Variants in SLC3A1 observed in about 807,000 individuals in gnomAD.
The protein encoded by SLC3A1 is amino acid transporter heavy chain SLC3A1.
Under a neutral mutation model 60.3 loss-of-function variants are expected in SLC3A1, and 78 were observed. The observed-to-expected ratio is 1.29, with a 90% confidence interval of 1.08 to 1.56. The LOEUF (loss-of-function observed/expected upper bound fraction) is 1.56. SLC3A1 is among the 40% of genes most tolerant of loss of function. The probability of loss-of-function intolerance (pLI) is 0.00; values close to 1 mark genes in which losing one functional copy is unlikely to be tolerated. For missense variants in SLC3A1, 1,172 were observed against 858.9 expected (o/e 1.36, Z -4.56); for synonymous variants, 392 against 307.9 (o/e 1.27, Z -2.86).
chr2:44,321,533 CCTAACCGTGAAGTCAG>C (rs1442750561), downstream of SLC3A1: 5 of 1,539,830 alleles, frequency 3.2e-6, no homozygotes, highest in Non-Finnish European at 4.4e-6. Context: ...TCCATCTTTA[CCTAACCGTGAAGTCAG>C]CAATTTATGG....
intron 7 of SLC3A1, among the ~76,000 whole-genome samples, chr2:44,308,758 A>G (rs1343285592): frequency 1.3e-5 from 2 of 151,152 alleles, no homozygotes; most frequent in Non-Finnish European, 2.9e-5. Flanking sequence ...TTTGAGGCAG[A>G]GTCTTGCTCT....
chr2:44,294,693 C>A (rs921205232), intron 4 of SLC3A1, among the ~76,000 whole-genome samples: 3 of 152,052 alleles, frequency 2.0e-5, no homozygotes, highest in Admixed American at 2.0e-4. Context: ...TTCTGAAGTC[C>A]TTGATCTTTC....
chr2:44,315,953 G>C (rs1005934164), intron 9 of SLC3A1, among the ~76,000 whole-genome samples: 1 of 152,124 alleles, frequency 6.6e-6, no homozygotes, highest in Non-Finnish European at 1.5e-5. Flanking sequence ...TCTCAGAAAG[G>C]AGAGCTTTTA....
intron 8 of SLC3A1, 78 bp downstream of exon 8, chr2:44,312,831 AACTT>A (rs1484583935): frequency 2.5e-6 from 3 of 1,187,612 alleles, no homozygotes; most frequent in Non-Finnish European, 2.5e-6. Flanking sequence ...CAAATCAGAG[AACTT>A]ACTATCTCTC....
rs11290172 is a variant in SLC3A1, at chr2:44,306,550, C to CTT, written c.1332+2233_1332+2234dup. Reference sequence around the variant, plus strand: ...GAGATATAATTCACATACCATAAAACTTTTTTTTTTTTTTTTTTTTTTGAG... The same window carrying CTT: ...GAGATATAATTCACATACCATAAAACTTTTTTTTTTTTTTTTTTTTTTTTGAG... On this transcript the variant is annotated intron_variant, in intron 7 of 9. Coordinates refer to ENST00000260649, the MANE Select transcript of SLC3A1 (RefSeq NM_000341.4). Among the ~76,000 whole-genome samples, 437 of 101,062 alleles carry CTT rather than the reference C, an allele frequency of 4.3e-3. 4 individuals carry two copies. Among genetic ancestry groups the CTT allele is most frequent in the East Asian group, 0.011 (37 of 3,474 alleles). 66.3% of individuals were successfully genotyped at this position (101,062 alleles called of 152,430 possible).
At position 44,275,589 on chromosome 2, in the gene SLC3A1, C is replaced by T; in HGVS notation, c.54C>T (p.Cys18=). ...RDSIEMSMKG[C]QTNNGFVHNE... The stretch of plus-strand genomic sequence containing the variant: ...CCATCGAGATGAGTATGAAGGGATG[C>T]CAGACAAACAACGGGTTTGTCCATA... The change falls in exon 1 of 10, where the codon TGC becomes TGT. Residue 18 remains cysteine, a synonymous_variant. Coordinates refer to ENST00000260649, the MANE Select transcript of SLC3A1 (RefSeq NM_000341.4). 6.2e-7 allele frequency: 1 copy of T among 1,614,040 alleles called. No homozygotes were observed. Among genetic ancestry groups the T allele is most frequent in the Non-Finnish European group, 8.5e-7 (1 of 1,179,950 alleles).
chr2:44,279,027 C>T (rs1427258325), intron 1 of SLC3A1, among the ~76,000 whole-genome samples: 3 of 150,018 alleles, frequency 2.0e-5, no homozygotes, highest in Admixed American at 6.7e-5. Flanking sequence ...GAGATGGAGT[C>T]TCACTCTGTC....
chr2:44,286,116 G>T lies in SLC3A1; in HGVS notation c.850G>T (p.Asp284Tyr). 2 of 1,614,018 alleles carry T rather than the reference G, an allele frequency of 1.2e-6. No individual in the cohort carries two copies. The highest frequency in any genetic ancestry group is 4.5e-5 in the East Asian group (2 of 44,856). ...TCATCAGTTTATGAAAGAGCAACCT[G>T]ATTTAAATTTCCGCAATCCTGATGT... ...YFHQFMKEQP[D>Y]LNFRNPDVQE... The change falls in exon 4 of 10, where the codon GAT (aspartate) becomes TAT (tyrosine). Residue 284 changes from aspartate (D) to tyrosine (Y), a missense_variant. Coordinates refer to ENST00000260649, the MANE Select transcript of SLC3A1 (RefSeq NM_000341.4).
At chr2:44,316,084 C>T (rs1401200323) in intron 9 of SLC3A1, among the ~76,000 whole-genome samples, 1 of 152,152 alleles carries the variant, frequency 6.6e-6, no homozygotes. Context: ...AGACCCACAT[C>T]CAACTTGGCT....
At chr2:44,309,038 G>A (rs1169641428) in intron 7 of SLC3A1, among the ~76,000 whole-genome samples, 1 of 151,970 alleles carries the variant, frequency 6.6e-6, no homozygotes, top group Non-Finnish European at 1.5e-5. Flanking sequence ...GGCCTTCTGA[G>A]GAATTTTTTG....
At chr2:44,318,265 A>AT (rs1415618663) in intron 9 of SLC3A1, 6 of 296,044 alleles carry the variant, frequency 2.0e-5, no homozygotes, top group South Asian at 5.1e-5. Context: ...TAATTTCTGT[A>AT]TTTTTTAGTA....
At chr2:44,300,873 C>G (rs934184355) in intron 5 of SLC3A1, 130 bp from the exon 6 acceptor site, 5 of 1,015,850 alleles carry the variant, frequency 4.9e-6, no homozygotes, top group Non-Finnish European at 6.2e-6. Context: ...TCTCCATCCA[C>G]AAAACCATGT....
chr2:44,321,945 C>A (rs759820302), downstream of SLC3A1: 2 of 1,567,622 alleles, frequency 1.3e-6, no homozygotes, highest in Admixed American at 1.8e-5. Context: ...TGTATGGGAT[C>A]TTCTTTGGAA....
intron 4 of SLC3A1, among the ~76,000 whole-genome samples, chr2:44,292,751 G>GT (rs1354088665): frequency 6.6e-6 from 1 of 152,014 alleles, no homozygotes; most frequent in African/African-American, 2.4e-5. Context: ...GAGTTGTCCA[G>GT]TATCACTGGG....
intron 6 of SLC3A1, chr2:44,303,831 T>C (rs1672081121): frequency 3.9e-6 from 2 of 515,666 alleles, no homozygotes; most frequent in Non-Finnish European, 7.0e-6. Context: ...ACATGCGGTG[T>C]TTGGTTTTCT....
rs149042016 is a variant in SLC3A1 at position 44,289,877 on chromosome 2, C to T, written c.891+3720C>T. On this transcript the variant is annotated intron_variant, in intron 4 of 9. Coordinates refer to ENST00000260649, the MANE Select transcript of SLC3A1 (RefSeq NM_000341.4). ...AACTCCTGACCTCAGGTGATCCACC[C>T]GCCTCGGCCTCCCAAAGTGCAGGGA... Among the ~76,000 whole-genome samples, 72 of 151,514 alleles carry T rather than the reference C, an allele frequency of 4.8e-4. No homozygotes were observed. In the East Asian group the frequency reaches 0.012, roughly 24 times the overall value.
intron 9 of SLC3A1, chr2:44,318,135 T>C (rs1197621295): frequency 1.1e-5 from 5 of 445,068 alleles, no homozygotes; most frequent in African/African-American, 2.1e-5. Flanking sequence ...CCGTCACCCA[T>C]GCTCGAGTGC....
At chr2:44,306,759 G>A (rs1672168445) in intron 7 of SLC3A1, among the ~76,000 whole-genome samples, 1 of 151,862 alleles carries the variant, frequency 6.6e-6, no homozygotes, top group Non-Finnish European at 1.5e-5. Flanking sequence ...GTTTCATCAT[G>A]TTGGCCAGGC....
chr2:44,302,294 A>G (rs1329103176), intron 6 of SLC3A1, among the ~76,000 whole-genome samples: 1 of 151,984 alleles, frequency 6.6e-6, no homozygotes, highest in Non-Finnish European at 1.5e-5. Flanking sequence ...AATAACCTCT[A>G]TAAGGCTGTT....
Sources: allele counts gnomAD v4.1 joint callset (sites outside exome capture counted in the v4.1 genomes callset), GRCh38; gene constraint gnomAD v4.1.1; transcripts MANE v1.5; gene names NCBI Gene and HGNC (gene_info 2026-07-23, HGNC 2026-07-21).